Variants in ALDH1A2 observed in about 807,000 individuals in gnomAD.
The protein encoded by ALDH1A2 is retinal dehydrogenase 2.
In ALDH1A2, 27 loss-of-function variants were observed where a neutral mutation model predicts 60.3. The ratio of observed to expected loss-of-function variants is 0.45; its 90% CI spans 0.33 to 0.62. The LOEUF is 0.62. ALDH1A2 is among the 20% of genes least tolerant of loss of function. The probability of loss-of-function intolerance (pLI) is 0.02; values close to 1 mark genes in which losing one functional copy is unlikely to be tolerated. For missense variants in ALDH1A2, 581 were observed against 643.8 expected (o/e 0.90, Z 1.06); for synonymous variants, 289 against 232.4 (o/e 1.24, Z -2.21).
chr15:57,956,571 TCTC>T lies in ALDH1A2; in HGVS notation c.1485-1305_1485-1303del, dbSNP rs1312220323. 3.3e-5 allele frequency among the ~76,000 whole-genome samples: 5 copies of T among 152,204 alleles called. No individual in the cohort carries two copies. In the East Asian group the frequency reaches 5.8e-4, roughly 18 times the overall value. On this transcript the variant is annotated intron_variant, in intron 12 of 12. Transcript: ENST00000249750. Reference sequence around the variant, plus strand: ...GGAGAGACTGGGGCAAGCAGGCTGTTCTCCTGTCCGTATAGTTCATTTCGCTTA... The same window carrying T: ...GGAGAGACTGGGGCAAGCAGGCTGTTCTGTCCGTATAGTTCATTTCGCTTA...
chr15:57,963,835 G>A (rs375883599), intron 9 of ALDH1A2, 50 bp downstream of exon 9: 3 of 1,598,258 alleles, frequency 1.9e-6, no homozygotes, highest in African/African-American at 1.3e-5. Context: ...ACACAGTTCT[G>A]TGCCAGTCAA....
Position 58,014,243 on chromosome 15 carries a change from C to T in ALDH1A2, c.156G>A (p.Gly52=), listed in dbSNP as rs61757677. ...CTGGATTATAGACAGGGAACACTCT[C>T]CCACTCTCTGAGTTCTGCCACTCGT... ...INNEWQNSES[G]RVFPVYNPAT... is the part of the protein sequence containing the mutation. Residue 52 remains glycine (G), a synonymous_variant, in exon 2 of 13, where the codon GGG becomes GGA. Coordinates refer to ENST00000249750, the MANE Select transcript of ALDH1A2 (RefSeq NM_003888.4). 8 of 1,613,982 alleles carry T rather than the reference C, an allele frequency of 5.0e-6. No homozygotes were observed. Among genetic ancestry groups the T allele is most frequent in the Non-Finnish European group, 6.8e-6 (8 of 1,179,980 alleles).
At chr15:57,957,502 T>G (rs1331720555) in intron 12 of ALDH1A2, among the ~76,000 whole-genome samples, 1 of 152,204 alleles carries the variant, frequency 6.6e-6, no homozygotes, top group Non-Finnish European at 1.5e-5. Flanking sequence ...TGTCGCATAT[T>G]TATTTACTCC....
chr15:57,990,511 G>A (rs1409741559), intron 7 of ALDH1A2: 1 of 152,162 alleles, frequency 6.6e-6, no homozygotes, highest in Non-Finnish European at 1.5e-5. Context: ...AAATGCCGGA[G>A]ATGTAGGTAC....
intron 1 of ALDH1A2, among the ~76,000 whole-genome samples, chr15:58,061,798 T>C (rs1296930849): frequency 6.6e-6 from 1 of 152,122 alleles, no homozygotes; most frequent in Non-Finnish European, 1.5e-5. Context: ...AAGATATATA[T>C]GAAAGTGCTA....
chr15:57,980,293 C>A, intron 7 of ALDH1A2: 1 of 406,786 alleles, frequency 2.5e-6, no homozygotes, highest in Non-Finnish European at 5.0e-6. Flanking sequence ...CCTGCATGTG[C>A]CTCATGTTCC....
At chr15:58,059,280 T>A (rs1341403725) in intron 1 of ALDH1A2, among the ~76,000 whole-genome samples, 1 of 152,146 alleles carries the variant, frequency 6.6e-6, no homozygotes, top group Non-Finnish European at 1.5e-5. Context: ...TGGGGGGAAA[T>A]GAATGGCTTT....
At chr15:57,964,763 C>G (rs1893839909) in intron 8 of ALDH1A2, 1 of 152,404 alleles carries the variant, frequency 6.6e-6, no homozygotes, top group Non-Finnish European at 1.5e-5. Flanking sequence ...ACAGCTTAAT[C>G]TGACGTGCAT....
chr15:58,052,723 A>G lies in ALDH1A2; in HGVS notation c.117+12811T>C, dbSNP rs115156509. On this transcript the variant is annotated intron_variant, in intron 1 of 12. Transcript: ENST00000249750. ...ATCCAAGAAACTGTTAAATGAACAT[A>G]CATAAGTGACAGAGCTGGGGTCAGA... Among the ~76,000 whole-genome samples the G allele has an allele frequency of 5.0e-3, 759 of 152,298 alleles. 9 individuals carry two copies. Among genetic ancestry groups the G allele is most frequent in the African/African-American group, 0.017 (727 of 41,580 alleles).
At chr15:58,045,336 C>T (rs141089152) in intron 1 of ALDH1A2, among the ~76,000 whole-genome samples, 168 of 152,098 alleles carry the variant, frequency 1.1e-3, no homozygotes, top group East Asian at 4.1e-3. Flanking sequence ...GACAGTGTGT[C>T]GACTCCTCAA....
At chr15:58,056,147 A>G (rs1008900393) in intron 1 of ALDH1A2, among the ~76,000 whole-genome samples, 2 of 152,150 alleles carry the variant, frequency 1.3e-5, no homozygotes, top group Non-Finnish European at 2.9e-5. Flanking sequence ...TGAATAAGTT[A>G]TAATAATCAT....
intron 1 of ALDH1A2, among the ~76,000 whole-genome samples, chr15:58,022,302 G>A (rs1307758686): frequency 6.6e-6 from 1 of 152,038 alleles, no homozygotes; most frequent in Non-Finnish European, 1.5e-5. Context: ...CTGAGGTTGG[G>A]CCTAACTTCC....
At chr15:58,035,502 A>G (rs1367827704) in intron 1 of ALDH1A2, among the ~76,000 whole-genome samples, 1 of 151,108 alleles carries the variant, frequency 6.6e-6, no homozygotes, top group Non-Finnish European at 1.5e-5. Context: ...TTCTTTTTCT[A>G]GTTTCCTAAA....
chr15:58,023,742 C>T (rs1895997404), intron 1 of ALDH1A2, among the ~76,000 whole-genome samples: 1 of 151,596 alleles, frequency 6.6e-6, no homozygotes, highest in Non-Finnish European at 1.5e-5. Flanking sequence ...AGACTGATTC[C>T]CAGATAAGCA....
At chr15:58,020,323 G>T (rs976795491) in intron 1 of ALDH1A2, among the ~76,000 whole-genome samples, 2 of 152,096 alleles carry the variant, frequency 1.3e-5, no homozygotes, top group Non-Finnish European at 2.9e-5. Flanking sequence ...ATTCCTTTGG[G>T]TGTATACCCA....
intron 7 of ALDH1A2, chr15:57,980,175 C>T (rs1444214359): frequency 3.5e-5 from 10 of 282,222 alleles, no homozygotes; most frequent in African/African-American, 1.3e-4. Flanking sequence ...GCCTTCATGG[C>T]GGCGTCACTG....
intron 1 of ALDH1A2, among the ~76,000 whole-genome samples, chr15:58,027,038 G>A (rs117823281): frequency 0.077 from 11,775 of 152,136 alleles, 450 homozygotes; most frequent in East Asian, 0.12. Context: ...TTCCCAGCAC[G>A]GTGTTTGAGC....
intron 3 of ALDH1A2, among the ~76,000 whole-genome samples, chr15:58,012,441 G>A (rs1185981520): frequency 1.3e-5 from 2 of 152,086 alleles, no homozygotes; most frequent in African/African-American, 4.8e-5. Context: ...AAAAAACTTG[G>A]TTTTGCATGA....
At chr15:58,013,589 TA>T (rs1284723594) in intron 3 of ALDH1A2, among the ~76,000 whole-genome samples, 1 of 151,928 alleles carries the variant, frequency 6.6e-6, no homozygotes, top group Non-Finnish European at 1.5e-5. Context: ...CCGTCTCTAC[TA>T]AAAATACAAA....
Sources: gnomAD v4.1 joint callset for allele counts (sites outside exome capture counted in the v4.1 genomes callset) on GRCh38, gnomAD v4.1.1 for gene constraint, MANE v1.5 for transcripts, NCBI Gene and HGNC (gene_info 2026-07-23, HGNC 2026-07-21) for gene names.